The following HESX1 variants were observed in gnomAD, a reference collection of about 807,000 sequenced individuals.
HESX1 encodes the protein HESX homeobox 1.
HESX1 carries 11 observed loss-of-function variants against 22.5 expected under a neutral mutation model. The ratio of observed to expected loss-of-function variants is 0.49; its 90% CI spans 0.31 to 0.81. The LOEUF (loss-of-function observed/expected upper bound fraction) is 0.81. Among genes scored for constraint, HESX1 ranks in the 30% least tolerant of loss-of-function variants. The pLI is 0.05. For missense variants in HESX1, 201 were observed against 212.6 expected (o/e 0.95, Z 0.34); for synonymous variants, 74 against 76.5 (o/e 0.97, Z 0.17).
rs986797516 is a variant in HESX1 at position 57,197,975 on chromosome 3, T to C, written c.*222A>G. On this transcript the variant is annotated 3_prime_UTR_variant, in exon 4 of 4. Transcript: ENST00000295934. ...GGCTTACTTAAAAAATAGCAATCTT[T>C]TCTGAAAATGTTTATTAAAATATAT... 5.4e-6 allele frequency: 2 copies of C among 370,326 alleles called. No individual in the cohort carries two copies. Among genetic ancestry groups the C allele is most frequent in the African/African-American group, 2.1e-5 (1 of 48,064 alleles). 22.9% of individuals were successfully genotyped at this position (370,326 alleles called of 1,614,324 possible).
chr3:57,201,869 CTATCTA>C (rs1171881192), upstream of HESX1, among the ~76,000 whole-genome samples: 1 of 140,600 alleles, frequency 7.1e-6, no homozygotes, highest in African/African-American at 2.7e-5. Flanking sequence ...CTATATCTAT[CTATCTA>C]TATCTATCTA....
At chr3:57,207,386 G>A (rs969328798) in intron 1 of HESX1, among the ~76,000 whole-genome samples, 4 of 152,186 alleles carry the variant, frequency 2.6e-5, no homozygotes, top group Non-Finnish European at 5.9e-5. Flanking sequence ...CTATTAAAAG[G>A]TGGGGGTGAC....
chr3:57,215,566 C>CAA (rs1553633978), intron 1 of HESX1, among the ~76,000 whole-genome samples: 3 of 151,730 alleles, frequency 2.0e-5, no homozygotes, highest in Non-Finnish European at 4.4e-5. Flanking sequence ...GTCAGCAGTT[C>CAA]GACCAGCCTG....
intron 1 of HESX1, among the ~76,000 whole-genome samples, chr3:57,221,204 A>T (rs2060614145): frequency 6.6e-6 from 1 of 150,732 alleles, no homozygotes; most frequent in African/African-American, 2.4e-5. Context: ...CCCATGCTGG[A>T]GTGCAGCCTG....
intron 1 of HESX1, among the ~76,000 whole-genome samples, chr3:57,218,648 G>A (rs544820677): frequency 6.6e-6 from 1 of 151,952 alleles, no homozygotes; most frequent in Non-Finnish European, 1.5e-5. Context: ...TTGCCATGTT[G>A]GCCAGGCTGG....
chr3:57,215,735 C>A (rs2060579526), intron 1 of HESX1, among the ~76,000 whole-genome samples: 2 of 152,076 alleles, frequency 1.3e-5, no homozygotes, highest in Admixed American at 6.5e-5. Flanking sequence ...CCATTGCACT[C>A]CAGCCTGGGT....
upstream of HESX1, among the ~76,000 whole-genome samples, chr3:57,203,791 G>C (rs761206622): frequency 1.1e-4 from 16 of 152,134 alleles, no homozygotes; most frequent in Non-Finnish European, 1.8e-4. Flanking sequence ...CTGACCTCAA[G>C]TGGTCTGCCT....
upstream of HESX1, among the ~76,000 whole-genome samples, chr3:57,227,403 C>T (rs552974462): frequency 9.1e-4 from 138 of 152,346 alleles, no homozygotes; most frequent in Non-Finnish European, 1.6e-3. Flanking sequence ...AGGACTTTCT[C>T]CAAGGTCTCT....
chr3:57,215,799 A>G (rs537782490), intron 1 of HESX1, among the ~76,000 whole-genome samples: 1 of 152,196 alleles, frequency 6.6e-6, no homozygotes, highest in East Asian at 1.9e-4. Flanking sequence ...CAAAAAAACC[A>G]CAGAAAAATG....
At chr3:57,221,461 C>A (rs2060615575) in intron 1 of HESX1, among the ~76,000 whole-genome samples, 1 of 151,820 alleles carries the variant, frequency 6.6e-6, no homozygotes, top group Admixed American at 6.6e-5. Context: ...CTGGCCTTCC[C>A]TACTCTATTT....
At chr3:57,207,780 C>G (rs780160156) in intron 1 of HESX1, among the ~76,000 whole-genome samples, 2 of 151,996 alleles carry the variant, frequency 1.3e-5, no homozygotes, top group African/African-American at 4.8e-5. Context: ...TTAAAAAGAA[C>G]TAAATGGAAT....
At chr3:57,219,693 G>T (rs1227011741) in intron 1 of HESX1, among the ~76,000 whole-genome samples, 1 of 152,108 alleles carries the variant, frequency 6.6e-6, no homozygotes, top group Non-Finnish European at 1.5e-5. Context: ...TAATGGGGTT[G>T]CTTTTCCTTG....
upstream of HESX1, among the ~76,000 whole-genome samples, chr3:57,202,324 A>G (rs1042899905): frequency 6.6e-6 from 1 of 151,880 alleles, no homozygotes; most frequent in African/African-American, 2.4e-5. Flanking sequence ...CTCACTCAAC[A>G]GATTTTTGTT....
At chr3:57,208,566 T>C (rs562594117) in intron 1 of HESX1, among the ~76,000 whole-genome samples, 1 of 148,588 alleles carries the variant, frequency 6.7e-6, no homozygotes, top group African/African-American at 2.5e-5. Context: ...GCCAGGCTGG[T>C]CTCGAACTCC....
At chr3:57,201,317 G>A (rs1024840942), upstream of HESX1, among the ~76,000 whole-genome samples, 18 of 152,034 alleles carry the variant, frequency 1.2e-4, no homozygotes, top group African/African-American at 4.4e-4. Flanking sequence ...TGAATAAACC[G>A]GTGAACATTT....
intron 1 of HESX1, among the ~76,000 whole-genome samples, chr3:57,221,260 C>T (rs1169541587): frequency 1.3e-5 from 2 of 151,364 alleles, no homozygotes; most frequent in Non-Finnish European, 2.9e-5. Flanking sequence ...CTCAAGCGAT[C>T]CTCCCACCTC....
chr3:57,207,664 A>G (rs2060527351), intron 1 of HESX1, among the ~76,000 whole-genome samples: 1 of 152,238 alleles, frequency 6.6e-6, no homozygotes, highest in Non-Finnish European at 1.5e-5. Flanking sequence ...GGAGTTAACA[A>G]CAACAGATTA....
chr3:57,202,942 A>C (rs1307689065), upstream of HESX1, among the ~76,000 whole-genome samples: 1 of 152,200 alleles, frequency 6.6e-6, no homozygotes, highest in East Asian at 1.9e-4. Flanking sequence ...GTTGAAAATC[A>C]CTTGGAATGT....
chr3:57,200,856 A>T (rs72875855), upstream of HESX1, among the ~76,000 whole-genome samples: 10,617 of 152,278 alleles, frequency 0.07, 1,243 homozygotes, highest in African/African-American at 0.24. Context: ...GGAGTCTTTC[A>T]AGATGGTAAG....
Sources: allele counts gnomAD v4.1 joint callset (sites outside exome capture counted in the v4.1 genomes callset), GRCh38; gene constraint gnomAD v4.1.1; transcripts MANE v1.5; gene names NCBI Gene and HGNC (gene_info 2026-07-23, HGNC 2026-07-21).